CABIN1: variants seen among roughly 807,000 people sequenced by gnomAD.
CABIN1 encodes the protein calcineurin-binding protein cabin-1.
A neutral mutation model predicts 227.7 loss-of-function variants in CABIN1; 133 were observed. That is an observed-to-expected ratio of 0.58 (90% CI 0.51 to 0.67). The LOEUF is 0.67. Among genes scored for constraint, CABIN1 ranks in the 30% least tolerant of loss-of-function variants. CABIN1 has a pLI of 0.00. For synonymous variants in CABIN1, 1,086 were observed against 1,155.1 expected (o/e 0.94, Z 1.21); for missense variants, 2,408 against 2,852.5 (o/e 0.84, Z 3.55).
At chr22:24,037,711 C>T (rs1325368181) in intron 3 of CABIN1, among the ~76,000 whole-genome samples, 1 of 152,038 alleles carries the variant, frequency 6.6e-6, no homozygotes, top group Non-Finnish European at 1.5e-5. Flanking sequence ...ACTGGGTGTC[C>T]TACAATTCAA....
At chr22:24,155,785 C>T in intron 29 of CABIN1, 1 of 406,832 alleles carries the variant, frequency 2.5e-6, no homozygotes. Flanking sequence ...CCTGGCCACC[C>T]CTACACCATG....
At chr22:24,148,366 C>T (rs568355900) in intron 29 of CABIN1, among the ~76,000 whole-genome samples, 1 of 152,334 alleles carries the variant, frequency 6.6e-6, no homozygotes, top group South Asian at 2.1e-4. Flanking sequence ...GACTTTTGAG[C>T]CCCAGAGTTA....
At chr22:24,136,844 C>G (rs144517032) in intron 29 of CABIN1, among the ~76,000 whole-genome samples, 2 of 151,922 alleles carry the variant, frequency 1.3e-5, no homozygotes, top group East Asian at 3.9e-4. Context: ...ATGCAAATTT[C>G]TTGTCCTTCA....
intron 4 of CABIN1, among the ~76,000 whole-genome samples, chr22:24,038,931 T>C (rs1440255394): frequency 6.6e-6 from 1 of 152,188 alleles, no homozygotes; most frequent in African/African-American, 2.4e-5. Context: ...GAAGTCTGTA[T>C]AGACATGCCA....
In CABIN1 at chr22:24,098,088, C is replaced by G. The variant is rs936141329; in HGVS notation, c.4013C>G (p.Pro1338Arg). The change falls in exon 26 of 37, where the codon CCC (proline) becomes CGC (arginine). Residue 1338 changes from proline (P) to arginine (R), a missense_variant. Around this residue, in one of 3 missense-constraint regions of CABIN1, gnomAD observed 649 missense variants for 910.3 expected, o/e 0.71. Coordinates refer to ENST00000263119, the MANE Select transcript of CABIN1 (RefSeq NM_012295.4). The part of the protein sequence containing the change: ...GTLPGPGASL[P>R]SSSGPGLTSP... ...CTGCCGGGCCCCGGAGCCTCCCTCC[C>G]CTCCTCCTCTGGCCCAGGTCTGACA... 1.2e-6 allele frequency: 2 copies of G among 1,613,976 alleles called. No individual in the cohort carries two copies. Among genetic ancestry groups the G allele is most frequent in the Admixed American group, 1.7e-5 (1 of 59,970 alleles).
chr22:24,088,464 C>T (rs1166202279), intron 23 of CABIN1, among the ~76,000 whole-genome samples: 3 of 152,040 alleles, frequency 2.0e-5, no homozygotes, highest in Non-Finnish European at 4.4e-5. Context: ...AAAAATTAGC[C>T]AGGCATGGTG....
At chr22:24,016,080 C>T (rs748220395) in intron 1 of CABIN1, among the ~76,000 whole-genome samples, 2 of 152,196 alleles carry the variant, frequency 1.3e-5, no homozygotes, top group Non-Finnish European at 2.9e-5. Flanking sequence ...AGCATCATCG[C>T]AATACATTTT....
chr22:24,145,555 G>A (rs531071771), intron 29 of CABIN1, among the ~76,000 whole-genome samples: 2 of 152,326 alleles, frequency 1.3e-5, no homozygotes, highest in African/African-American at 2.4e-5. Flanking sequence ...CAAGAGGGCC[G>A]AGGAGGTGGG....
intron 6 of CABIN1, among the ~76,000 whole-genome samples, chr22:24,046,560 T>C (rs940650221): frequency 1.1e-4 from 16 of 152,256 alleles, no homozygotes; most frequent in Middle Eastern, 3.4e-3. Context: ...CCTCTCTCAT[T>C]GTAGAAGAAG....
chr22:24,096,837 A>G (rs933168563), intron 25 of CABIN1, among the ~76,000 whole-genome samples: 1 of 152,242 alleles, frequency 6.6e-6, no homozygotes, highest in Non-Finnish European at 1.5e-5. Context: ...AGCTCACCCC[A>G]TCTCTGAGTC....
chr22:24,120,305 C>T (rs968468845), intron 28 of CABIN1, among the ~76,000 whole-genome samples: 19 of 152,214 alleles, frequency 1.2e-4, no homozygotes, highest in Non-Finnish European at 2.5e-4. Flanking sequence ...GATGATGTAG[C>T]GATCCTTAAC....
At chr22:24,138,525 C>CT (rs1296680752) in intron 29 of CABIN1, among the ~76,000 whole-genome samples, 3 of 152,216 alleles carry the variant, frequency 2.0e-5, no homozygotes, top group African/African-American at 7.2e-5. Flanking sequence ...TCCGAAATGT[C>CT]TAACTGACTG....
chr22:24,040,233 G>A (rs985635739), intron 4 of CABIN1, among the ~76,000 whole-genome samples: 1 of 152,140 alleles, frequency 6.6e-6, no homozygotes, highest in African/African-American at 2.4e-5. Flanking sequence ...GTCAGATGAC[G>A]GTAGAAGATA....
chr22:24,151,505 C>T (rs767415142), intron 29 of CABIN1, among the ~76,000 whole-genome samples: 9 of 152,112 alleles, frequency 5.9e-5, no homozygotes, highest in South Asian at 2.1e-4. Context: ...TTCTAAGATC[C>T]GGGCTCCCCT....
At chr22:24,176,778 T>C (rs544653164) in intron 35 of CABIN1, among the ~76,000 whole-genome samples, 4 of 152,336 alleles carry the variant, frequency 2.6e-5, no homozygotes, top group Admixed American at 1.3e-4. Flanking sequence ...TCCCACCAGC[T>C]GCCCCAACCA....
chr22:24,065,332 C>T (rs1393485608), intron 15 of CABIN1, among the ~76,000 whole-genome samples: 3 of 117,292 alleles, frequency 2.6e-5, no homozygotes, highest in Non-Finnish European at 5.4e-5. Flanking sequence ...CAGACGGGGT[C>T]GCGGCCGGGC....
chr22:24,067,337 A>C (rs1424086142), intron 16 of CABIN1, among the ~76,000 whole-genome samples, 156 bp downstream of exon 16: 1 of 152,214 alleles, frequency 6.6e-6, no homozygotes, highest in Non-Finnish European at 1.5e-5. Flanking sequence ...GTTAGTCAGA[A>C]GATATGGTCA....
intron 1 of CABIN1, among the ~76,000 whole-genome samples, chr22:24,034,890 A>G (rs1299427496): frequency 6.6e-6 from 1 of 152,228 alleles, no homozygotes; most frequent in Non-Finnish European, 1.5e-5. Context: ...GCCTACAGGT[A>G]AAGTTCATGG....
chr22:24,171,953 CACAGGCCTGAAGCT>C lies in CABIN1; in HGVS notation c.6001_6014del (p.Arg2001ProfsTer58). ...CAAGGACCCTGGGCCTCCCCGGCCACACAGGCCTGAAGCTACCCCCAGCATGGCCTCTCTGGGCC... is the reference window on the plus strand; with the variant it reads ...CAAGGACCCTGGGCCTCCCCGGCCACACCCCCAGCATGGCCTCTCTGGGCC... On this transcript the variant is annotated frameshift_variant, in exon 34 of 37. Coordinates refer to ENST00000263119, the MANE Select transcript of CABIN1 (RefSeq NM_012295.4). LOFTEE classifies it high-confidence loss of function. 1 of 1,613,600 alleles carries C rather than the reference CACAGGCCTGAAGCT, an allele frequency of 6.2e-7. No homozygotes were observed. The highest frequency in any genetic ancestry group is 8.5e-7 in the Non-Finnish European group (1 of 1,180,038).
Sources: gnomAD v4.1 joint callset for allele counts (sites outside exome capture counted in the v4.1 genomes callset) on GRCh38, gnomAD v4.1.1 for gene constraint, gnomAD v4.1.1 regional missense constraint, MANE v1.5 for transcripts, NCBI Gene and HGNC (gene_info 2026-07-23, HGNC 2026-07-21) for gene names.